NDUFS4: variants seen among roughly 807,000 people sequenced by gnomAD.
The protein encoded by NDUFS4 is NADH dehydrogenase [ubiquinone] iron-sulfur protein 4, mitochondrial.
In NDUFS4, 28 loss-of-function variants were observed where a neutral mutation model predicts 24.3. That is an observed-to-expected ratio of 1.15 (90% CI 0.85 to 1.58). NDUFS4 has a LOEUF of 1.58. Ranked by LOEUF, NDUFS4 falls within the 40% of genes most tolerant of loss-of-function variation. NDUFS4 has a pLI of 0.00. For synonymous variants in NDUFS4, 93 were observed against 69.7 expected (o/e 1.34, Z -1.67); for missense variants, 223 against 207.9 (o/e 1.07, Z -0.45).
chr5:53,629,388 A>G (rs904388856), intron 2 of NDUFS4, among the ~76,000 whole-genome samples: 11 of 152,114 alleles, frequency 7.2e-5, no homozygotes, highest in Non-Finnish European at 1.2e-4. Flanking sequence ...GTAGATGTCT[A>G]TTAGGTCTGC....
intron 3 of NDUFS4, among the ~76,000 whole-genome samples, chr5:53,647,210 TTTTA>T (rs1465521945): frequency 3.3e-5 from 5 of 151,878 alleles, no homozygotes; most frequent in Admixed American, 1.3e-4. Context: ...TACTTTTAAT[TTTTA>T]TTTATTATTT....
In NDUFS4 at chr5:53,646,409, A is replaced by T; in HGVS notation, c.350+4A>T. ...CTTTGATGGGTTGGGCATCAACGTG[A>T]GTACTTTATTTTAATGTGAATATTG... On this transcript the variant is annotated splice_donor_region_variant and intron_variant, in intron 3 of 4. Transcript: ENST00000296684. The T allele has an allele frequency of 1.2e-6, 2 of 1,613,040 alleles. No individual in the cohort carries two copies. Among genetic ancestry groups the T allele is most frequent in the South Asian group, 2.2e-5 (2 of 91,040 alleles).
chr5:53,606,624 C>T (rs531792717), intron 2 of NDUFS4, among the ~76,000 whole-genome samples: 114 of 152,320 alleles, frequency 7.5e-4, no homozygotes, highest in African/African-American at 2.5e-3. Flanking sequence ...CTCGGCCTCC[C>T]GAAGTGCTGG....
intron 1 of NDUFS4, among the ~76,000 whole-genome samples, chr5:53,562,953 G>GGC (rs1299723451): frequency 6.6e-6 from 1 of 152,136 alleles, no homozygotes; most frequent in African/African-American, 2.4e-5. Context: ...GGAAGGGCCG[G>GGC]GCGCGGTGGC....
intron 4 of NDUFS4, among the ~76,000 whole-genome samples, chr5:53,676,877 A>C (rs1468906795): frequency 6.6e-6 from 1 of 152,068 alleles, no homozygotes; most frequent in East Asian, 1.9e-4. Flanking sequence ...TTTTCCTCCC[A>C]ATGTTTAATC....
At chr5:53,606,996 G>A (rs1185789674) in intron 2 of NDUFS4, among the ~76,000 whole-genome samples, 5 of 152,168 alleles carry the variant, frequency 3.3e-5, no homozygotes, top group Non-Finnish European at 7.3e-5. Context: ...GGAGGTATAC[G>A]TTCAGTACAA....
At chr5:53,569,206 G>T (rs914658853) in intron 1 of NDUFS4, among the ~76,000 whole-genome samples, 2 of 151,944 alleles carry the variant, frequency 1.3e-5, no homozygotes, top group African/African-American at 4.8e-5. Context: ...TATGACTTTT[G>T]CCTTTTAAGT....
intron 2 of NDUFS4, among the ~76,000 whole-genome samples, chr5:53,631,321 C>T (rs191690568): frequency 9.8e-5 from 15 of 152,312 alleles, no homozygotes; most frequent in African/African-American, 2.6e-4. Flanking sequence ...TGTCTGTCGG[C>T]CCCTACTGGG....
intron 4 of NDUFS4, among the ~76,000 whole-genome samples, chr5:53,661,817 GA>G (rs1205659759): frequency 6.6e-6 from 1 of 152,070 alleles, no homozygotes; most frequent in African/African-American, 2.4e-5. Flanking sequence ...TGGTGTATAA[GA>G]ATGCTTGTGG....
At chr5:53,626,234 G>A (rs533933261) in intron 2 of NDUFS4, among the ~76,000 whole-genome samples, 1 of 152,292 alleles carries the variant, frequency 6.6e-6, no homozygotes, top group South Asian at 2.1e-4. Flanking sequence ...TTTTATGGCT[G>A]TATAGTATTC....
intron 4 of NDUFS4, among the ~76,000 whole-genome samples, chr5:53,666,839 C>T (rs573640382): frequency 6.6e-6 from 1 of 152,276 alleles, no homozygotes; most frequent in East Asian, 1.9e-4. Flanking sequence ...GAGGCTGAGA[C>T]AGGAGAATCG....
In NDUFS4 at chr5:53,606,141, G is replaced by A. The variant is rs560639660; in HGVS notation, c.177+2611G>A. 1.3e-3 allele frequency among the ~76,000 whole-genome samples: 196 copies of A among 152,188 alleles called. 1 individual carries two copies. The highest frequency in any genetic ancestry group is 4.4e-3 in the African/African-American group (181 of 41,550). On this transcript the variant is annotated intron_variant, in intron 2 of 4. Coordinates refer to ENST00000296684, the MANE Select transcript of NDUFS4 (RefSeq NM_002495.4). ...GGAGCTTGCAGTGAGTGGAGATGGC[G>A]CCACTGCACTCCAGCCTAGGTGACA...
At chr5:53,596,987 A>G (rs1750152177) in intron 1 of NDUFS4, among the ~76,000 whole-genome samples, 1 of 152,230 alleles carries the variant, frequency 6.6e-6, no homozygotes, top group Non-Finnish European at 1.5e-5. Flanking sequence ...GACCATCCCA[A>G]TAGTTGCTTA....
At chr5:53,598,898 C>T (rs1750218870) in intron 1 of NDUFS4, among the ~76,000 whole-genome samples, 1 of 152,114 alleles carries the variant, frequency 6.6e-6, no homozygotes, top group Admixed American at 6.5e-5. Flanking sequence ...CAATCACAAC[C>T]CTCAGAGTTT....
chr5:53,680,805 C>A, intron 4 of NDUFS4, among the ~76,000 whole-genome samples: 1 of 152,046 alleles, frequency 6.6e-6, no homozygotes, highest in East Asian at 1.9e-4. Context: ...TGTAACTAAC[C>A]TGCACATTGT....
intron 3 of NDUFS4, among the ~76,000 whole-genome samples, chr5:53,651,911 TAC>T (rs1752029123): frequency 6.6e-6 from 1 of 151,956 alleles, no homozygotes; most frequent in African/African-American, 2.4e-5. Flanking sequence ...TACCTGGGAC[TAC>T]AGGCACCTGC....
chr5:53,601,559 A>T (rs982808082), intron 1 of NDUFS4, among the ~76,000 whole-genome samples: 5 of 152,198 alleles, frequency 3.3e-5, no homozygotes, highest in African/African-American at 1.2e-4. Context: ...AATAATTTGC[A>T]CTGTTTTCAT....
chr5:53,570,687 T>TC (rs1749181443), intron 1 of NDUFS4, among the ~76,000 whole-genome samples: 1 of 145,758 alleles, frequency 6.9e-6, no homozygotes, highest in South Asian at 2.2e-4. Context: ...TTTTTTTCTT[T>TC]TTTTTTTTTT....
intron 4 of NDUFS4, among the ~76,000 whole-genome samples, chr5:53,660,980 G>C (rs1490351052): frequency 6.6e-6 from 1 of 152,120 alleles, no homozygotes; most frequent in Non-Finnish European, 1.5e-5. Context: ...AGTTTATTTT[G>C]CTGTGCAGAA....
Sources: gnomAD v4.1 joint callset for allele counts (sites outside exome capture counted in the v4.1 genomes callset) on GRCh38, gnomAD v4.1.1 for gene constraint, MANE v1.5 for transcripts, NCBI Gene and HGNC (gene_info 2026-07-23, HGNC 2026-07-21) for gene names.